The following C14orf180 variants were observed in gnomAD, a reference collection of about 807,000 sequenced individuals.
C14orf180 encodes the protein nutritionally-regulated adipose and cardiac enriched protein homolog.
A neutral mutation model predicts 13.9 loss-of-function variants in C14orf180; 13 were observed. That is an observed-to-expected ratio of 0.94 (90% CI 0.61 to 1.49). The LOEUF (loss-of-function observed/expected upper bound fraction) is 1.49, where lower values mean the gene tolerates loss of function less well. C14orf180 is among the 40% of genes most tolerant of loss of function. The pLI, the probability that C14orf180 is intolerant of heterozygous loss-of-function variation, is 0.00. For synonymous variants in C14orf180, 113 were observed against 106.3 expected (o/e 1.06, Z -0.39); for missense variants, 238 against 232.0 (o/e 1.03, Z -0.17).
intron 4 of C14orf180, 39 bp from the exon 5 acceptor site, chr14:104,588,539 C>T (rs753412379): frequency 2.2e-5 from 31 of 1,440,744 alleles, no homozygotes; most frequent in Admixed American, 1.1e-4. Context: ...GGAAGGGTCG[C>T]GCTGGCTGGC....
At chr14:104,588,143 C>A in intron 3 of C14orf180, 131 bp from the exon 4 acceptor site, 1 of 1,144,926 alleles carries the variant, frequency 8.7e-7, no homozygotes, top group Non-Finnish European at 1.3e-6. Context: ...GTGTCAGGAC[C>A]GGCTGGGCCT....
intron 1 of C14orf180, among the ~76,000 whole-genome samples, chr14:104,583,145 G>A (rs2140457910): frequency 6.6e-6 from 1 of 152,344 alleles, no homozygotes; most frequent in African/African-American, 2.4e-5. Context: ...TCTGGAGAGG[G>A]GACCGCGGAG....
chr14:104,581,386 C>G (rs1335957297), intron 1 of C14orf180: 1 of 152,312 alleles, frequency 6.6e-6, no homozygotes, highest in Admixed American at 6.5e-5. Context: ...CTGGGGCCAC[C>G]AAGCCCGTGG....
In C14orf180 at chr14:104,588,983, C is replaced by A; in HGVS notation, c.*200C>A. ...GGGCACAGCAGGCGGCCCCGCCACA[C>A]TAGTCAGCACAGCCCTCCTGTCTCC... On this transcript the variant is annotated 3_prime_UTR_variant, in exon 5 of 5. Transcript: ENST00000557649. The A allele has an allele frequency of 1.8e-6, 2 of 1,101,332 alleles. No individual in the cohort carries two copies. The highest frequency in any genetic ancestry group is 1.3e-6 in the Non-Finnish European group (1 of 799,126). The allele number at this position is 1,101,332 out of a possible 1,614,324, so 68.2% of individuals were successfully genotyped here. A position where few individuals can be genotyped will look rare whatever the true frequency, so the allele number is the denominator to read the frequency against.
At chr14:104,581,150 G>A (rs1886418730) in intron 1 of C14orf180, 1 of 152,304 alleles carries the variant, frequency 6.6e-6, no homozygotes, top group Non-Finnish European at 1.5e-5. Flanking sequence ...GGTTCCAGTG[G>A]TGAGCGTTGG....
chr14:104,589,076 C>A lies in C14orf180; in HGVS notation c.*293C>A. ...CTGCTAACAGTTGAGGCTCCCCAGG[C>A]TCACCCAAAGACCCCTCCCTCGTCC... is the stretch of plus-strand genomic sequence containing the variant. On this transcript the variant is annotated 3_prime_UTR_variant, in exon 5 of 5. Coordinates refer to ENST00000557649, the MANE Select transcript of C14orf180 (RefSeq NM_001008404.3). The surrounding 1 kb of genome is among the most constrained non-coding windows in gnomAD (Gnocchi z 4.9). 1.7e-6 allele frequency: 1 copy of A among 581,886 alleles called. No individual in the cohort carries two copies. The highest frequency in any genetic ancestry group is 2.9e-6 in the Non-Finnish European group (1 of 350,038). 36.0% of individuals were successfully genotyped at this position (581,886 alleles called of 1,614,324 possible). A position where few individuals can be genotyped will look rare whatever the true frequency, so the allele number is the denominator to read the frequency against.
Position 104,588,723 on chromosome 14 carries a change from C to A in C14orf180, c.423C>A (p.Gly141=). ...ALEDLRARLL[G]LVLHLRHVAL... ...AGGACCTGCGGGCCCGGCTCCTCGGCCTTGTCCTGCACCTGCGGCACGTGG... is the reference window on the plus strand; with the variant it reads ...AGGACCTGCGGGCCCGGCTCCTCGGACTTGTCCTGCACCTGCGGCACGTGG... The change falls in exon 5 of 5, where the codon GGC becomes GGA. Residue 141 remains glycine (G), a synonymous_variant. Coordinates refer to ENST00000557649, the MANE Select transcript of C14orf180 (RefSeq NM_001008404.3). The A allele has an allele frequency of 6.5e-7, 1 of 1,535,852 alleles. No homozygotes were observed. The highest frequency in any genetic ancestry group is 1.4e-5 in the African/African-American group (1 of 73,158).
rs139446442 is a variant in C14orf180, at chr14:104,586,483, G to A, written c.53G>A (p.Arg18His). ...CCTGACTCCCGGCCAGAGACACGAC[G>A]TCAGACCAGAAAGAATGAGGAGGCC... ...VSPDSRPETR[R>H]QTRKNEEAAW... Residue 18 changes from arginine (R) to histidine (H), a missense_variant, in exon 2 of 5, where the codon CGT becomes CAT. Coordinates refer to ENST00000557649, the MANE Select transcript of C14orf180 (RefSeq NM_001008404.3). 3.0e-4 allele frequency: 471 copies of A among 1,550,986 alleles called. 2 individuals carry two copies. The African/African-American group carries it at 5.4e-3, about 18-fold the overall frequency.
intron 1 of C14orf180, among the ~76,000 whole-genome samples, chr14:104,585,110 C>T (rs907675544): frequency 2.0e-5 from 3 of 152,232 alleles, no homozygotes; most frequent in East Asian, 1.9e-4. Context: ...TGGAGGACCA[C>T]GGGGAGCCAG....
intron 1 of C14orf180, among the ~76,000 whole-genome samples, chr14:104,586,132 C>T (rs375146836): frequency 1.3e-5 from 2 of 152,212 alleles, no homozygotes; most frequent in South Asian, 4.1e-4. Flanking sequence ...GTGACGGGAC[C>T]TCGGCCCAGT....
In C14orf180 at chr14:104,588,817, G is replaced by A; in HGVS notation, c.*34G>A. ...ACGGGCAGGACGGGCAGGGCTTCCA[G>A]GAGAGCTCAAGCACTCCGGGGGCTC... On this transcript the variant is annotated 3_prime_UTR_variant, in exon 5 of 5. Coordinates refer to ENST00000557649, the MANE Select transcript of C14orf180 (RefSeq NM_001008404.3). 1 of 1,530,036 alleles carries A rather than the reference G, an allele frequency of 6.5e-7. No homozygotes were observed. Among genetic ancestry groups the A allele is most frequent in the Non-Finnish European group, 8.7e-7 (1 of 1,143,686 alleles). The allele number at this position is 1,530,036 out of a possible 1,614,324, so 94.8% of individuals were successfully genotyped here.
intron 4 of C14orf180, 35 bp downstream of exon 4, chr14:104,588,344 C>G (rs964355229): frequency 6.3e-7 from 1 of 1,589,166 alleles, no homozygotes; most frequent in Admixed American, 1.7e-5. Context: ...TGCCCCACTG[C>G]CCCCTCCGTG....
intron 1 of C14orf180, among the ~76,000 whole-genome samples, chr14:104,580,448 G>A (rs917155870): frequency 6.6e-6 from 1 of 152,222 alleles, no homozygotes; most frequent in Non-Finnish European, 1.5e-5. Flanking sequence ...CTGATGTTGC[G>A]CGAAACAGCC....
At chr14:104,585,507 G>T (rs1886585810) in intron 1 of C14orf180, among the ~76,000 whole-genome samples, 1 of 152,260 alleles carries the variant, frequency 6.6e-6, no homozygotes, top group Admixed American at 6.5e-5. Flanking sequence ...GAGCACGAAT[G>T]AGGAGAGCAC....
At chr14:104,586,611 C>A in intron 2 of C14orf180, 70 bp downstream of exon 2, 1 of 983,948 alleles carries the variant, frequency 1.0e-6, no homozygotes. Context: ...GGGCAGGGAG[C>A]AACAGACGTG....
intron 1 of C14orf180, chr14:104,581,509 T>A (rs574717362): frequency 6.6e-6 from 1 of 152,214 alleles, no homozygotes; most frequent in East Asian, 1.9e-4. Context: ...CTCAGCTGGT[T>A]GTGAGCCGCA....
rs879126429 is a variant in C14orf180, at chr14:104,588,959, G to A, written c.*176G>A. 37 of 1,356,506 alleles carry A rather than the reference G, an allele frequency of 2.7e-5. No individual in the cohort carries two copies. The highest frequency in any genetic ancestry group is 4.5e-4 in the Middle Eastern group (2 of 4,472). 84.0% of individuals were successfully genotyped at this position (1,356,506 alleles called of 1,614,324 possible). On this transcript the variant is annotated 3_prime_UTR_variant, in exon 5 of 5. Coordinates refer to ENST00000557649, the MANE Select transcript of C14orf180 (RefSeq NM_001008404.3). ...CCGTGGCGTGAGATCGGACATGGGG[G>A]GCACAGCAGGCGGCCCCGCCACACT... is the stretch of plus-strand genomic sequence containing the variant.
chr14:104,587,695 T>C, intron 2 of C14orf180, 54 bp from the exon 3 acceptor site: 1 of 1,597,972 alleles, frequency 6.3e-7, no homozygotes, highest in South Asian at 1.1e-5. Flanking sequence ...CAGACCTGGG[T>C]ACCAGCGGCC....
rs771773957 is a variant in C14orf180, at chr14:104,587,806, C to A, written c.169C>A (p.Arg57Ser). ...ILKRSRPEHH[R>S]PEAKPQRTSR... ...GAAACGGAGCCGGCCGGAGCACCAC[C>A]GCCCAGAGGCCAAGCCCCAGAGGAC... is the stretch of plus-strand genomic sequence containing the variant. The change falls in exon 3 of 5, where the codon CGC becomes AGC. Residue 57 changes from arginine (R) to serine (S), a missense_variant. Physicochemically the swap from Arg to Ser is moderately radical, Grantham distance 110 (BLOSUM62 -1). Coordinates refer to ENST00000557649, the MANE Select transcript of C14orf180 (RefSeq NM_001008404.3). 1 of 1,612,464 alleles carries A rather than the reference C, an allele frequency of 6.2e-7. No individual in the cohort carries two copies. The highest frequency in any genetic ancestry group is 8.5e-7 in the Non-Finnish European group (1 of 1,179,562).
Sources: gnomAD v4.1 joint callset for allele counts (sites outside exome capture counted in the v4.1 genomes callset) on GRCh38, gnomAD v4.1.1 for gene constraint, Gnocchi (gnomAD v3.1) non-coding constraint, MANE v1.5 for transcripts, NCBI Gene and HGNC (gene_info 2026-07-23, HGNC 2026-07-21) for gene names.